Variants in IL19 observed in about 807,000 individuals in gnomAD.
IL19 encodes the protein interleukin 19.
IL19 carries 15 observed loss-of-function variants against 19.5 expected under a neutral mutation model. The observed-to-expected ratio is 0.77, with a 90% CI of 0.52 to 1.19. IL19 has a LOEUF of 1.19. Among genes scored for constraint, IL19 ranks in the 50% most tolerant of loss-of-function variants. The pLI is 0.00. For missense variants in IL19, 199 were observed against 213.1 expected, an observed-to-expected ratio of 0.93 and a Z score of 0.41; for synonymous variants, 78 against 78.3, an observed-to-expected ratio of 1.00 and a Z score of 0.02.
intron 1 of IL19, chr1:206,772,542 C>A (rs778659754): frequency 4.0e-5 from 41 of 1,024,882 alleles, no homozygotes; most frequent in African/African-American, 9.5e-5. Flanking sequence ...CTCAGGGAGG[C>A]CTCTTCATTC....
intron 2 of IL19, among the ~76,000 whole-genome samples, chr1:206,802,572 A>C (rs1675739414): frequency 6.6e-6 from 1 of 152,248 alleles, no homozygotes; most frequent in African/African-American, 2.4e-5. Context: ...TTTTGGTGAC[A>C]CAACCCAGAC....
intron 2 of IL19, among the ~76,000 whole-genome samples, chr1:206,824,670 C>T (rs1485821047): frequency 6.6e-6 from 1 of 152,184 alleles, no homozygotes; most frequent in Non-Finnish European, 1.5e-5. Context: ...ACCCCCATTT[C>T]TCCGGATGAG....
At chr1:206,801,971 G>T (rs953422882) in intron 2 of IL19, among the ~76,000 whole-genome samples, 1 of 152,214 alleles carries the variant, frequency 6.6e-6, no homozygotes, top group African/African-American at 2.4e-5. Flanking sequence ...TTGGGTGGAA[G>T]AAACAGTTTG....
Position 206,771,017 on chromosome 1 carries a change from A to G in IL19, c.-210A>G. 6.2e-7 allele frequency: 1 copy of G among 1,614,096 alleles called. No individual in the cohort carries two copies. Among genetic ancestry groups the G allele is most frequent in the Non-Finnish European group, 8.5e-7 (1 of 1,179,956 alleles). On this transcript the variant is annotated 5_prime_UTR_variant, in exon 1 of 7. It removes the in-frame stop codon of an upstream open reading frame in the 5' UTR. Transcript: ENST00000659997. The stretch of plus-strand genomic sequence containing the variant: ...GCTTGGGGCATCACCTCCTCCAGGT[A>G]AAACTGGATCATCTCAGACAAGGCT...
intron 1 of IL19, among the ~76,000 whole-genome samples, chr1:206,789,070 CCT>C (rs1558608239): frequency 2.6e-5 from 4 of 152,292 alleles, no homozygotes; most frequent in Admixed American, 6.5e-5. Flanking sequence ...GTGACCTTTT[CCT>C]TTTCCGCCTT....
intron 1 of IL19, among the ~76,000 whole-genome samples, chr1:206,775,207 AG>A (rs1273213460): frequency 6.6e-6 from 1 of 151,518 alleles, no homozygotes; most frequent in Non-Finnish European, 1.5e-5. Context: ...CGCCCGGCTA[AG>A]TTTTTTTATT....
intron 1 of IL19, among the ~76,000 whole-genome samples, chr1:206,780,690 C>A (rs1675109799): frequency 6.6e-6 from 1 of 152,210 alleles, no homozygotes; most frequent in Non-Finnish European, 1.5e-5. Context: ...GAGAAGAAGA[C>A]TTTCCCAGGT....
rs997704513 is a variant in IL19, at chr1:206,789,125, T to C, written c.-148-9736T>C. Among the ~76,000 whole-genome samples, 3 of 152,230 alleles carry C rather than the reference T, an allele frequency of 2.0e-5. No individual in the cohort carries two copies. In the East Asian group the frequency reaches 5.8e-4, roughly 29 times the overall value. On this transcript the variant is annotated intron_variant, in intron 1 of 6. Transcript: ENST00000659997. Reference sequence around the variant, plus strand: ...TTCAAGGAACAGCTGTAGGGTTAGATAGAGAGGACTGACTGGAAAGTGATT... The same window carrying C: ...TTCAAGGAACAGCTGTAGGGTTAGACAGAGAGGACTGACTGGAAAGTGATT...
At chr1:206,829,248 A>T (rs1676524642) in intron 2 of IL19, 1 of 152,210 alleles carries the variant, frequency 6.6e-6, no homozygotes, top group South Asian at 2.1e-4. Flanking sequence ...TTAACTTGGA[A>T]TTTCAGGTAG....
At chr1:206,819,228 A>C (rs1477323833) in intron 2 of IL19, among the ~76,000 whole-genome samples, 1 of 152,018 alleles carries the variant, frequency 6.6e-6, no homozygotes, top group Non-Finnish European at 1.5e-5. Context: ...CTTAACCCAC[A>C]CTGTTCAATA....
At chr1:206,834,685 G>T (rs1676724571) in intron 2 of IL19, among the ~76,000 whole-genome samples, 1 of 152,166 alleles carries the variant, frequency 6.6e-6, no homozygotes, top group African/African-American at 2.4e-5. Flanking sequence ...AACTGTGTTG[G>T]GCACTTTATA....
At chr1:206,787,074 T>C (rs1018671055) in intron 1 of IL19, among the ~76,000 whole-genome samples, 1 of 152,166 alleles carries the variant, frequency 6.6e-6, no homozygotes, top group Non-Finnish European at 1.5e-5. Flanking sequence ...TTCCCACAGG[T>C]TCTCTCCACA....
At chr1:206,786,818 G>A (rs1294475253) in intron 1 of IL19, among the ~76,000 whole-genome samples, 1 of 152,148 alleles carries the variant, frequency 6.6e-6, no homozygotes, top group Non-Finnish European at 1.5e-5. Context: ...TTATTCAGCT[G>A]TAGTTACTGC....
At chr1:206,777,633 G>A (rs1022806422) in intron 1 of IL19, among the ~76,000 whole-genome samples, 1 of 152,156 alleles carries the variant, frequency 6.6e-6, no homozygotes, top group Non-Finnish European at 1.5e-5. Context: ...TGGGCAACAC[G>A]GTCAGCCGGC....
intron 2 of IL19, 41 bp downstream of exon 2, chr1:206,799,047 T>C (rs1430964749): frequency 7.6e-7 from 1 of 1,321,730 alleles, no homozygotes; most frequent in Admixed American, 1.7e-5. Context: ...TGTGGAGCCA[T>C]TCTCTGGGAC....
intron 2 of IL19, among the ~76,000 whole-genome samples, chr1:206,836,034 C>A (rs1243264833): frequency 6.6e-6 from 1 of 152,218 alleles, no homozygotes; most frequent in African/African-American, 2.4e-5. Context: ...TGCCAAGCTG[C>A]CCTCTACCTT....
intron 2 of IL19, among the ~76,000 whole-genome samples, chr1:206,816,514 A>G (rs1676160873): frequency 6.6e-6 from 1 of 152,204 alleles, no homozygotes; most frequent in South Asian, 2.1e-4. Context: ...AGCCACTGCC[A>G]CTAATATAAT....
At chr1:206,826,464 T>C (rs755170790) in intron 2 of IL19, among the ~76,000 whole-genome samples, 6 of 152,186 alleles carry the variant, frequency 3.9e-5, no homozygotes, top group Non-Finnish European at 8.8e-5. Flanking sequence ...GGAAACAATG[T>C]GGATGCAAGA....
rs147597174 is a variant in IL19, at chr1:206,792,488, G to A, written c.-148-6373G>A. On this transcript the variant is annotated intron_variant, in intron 1 of 6. Coordinates refer to ENST00000659997, the MANE Select transcript of IL19 (RefSeq NM_153758.5). ...CTTTTTTTTTCTGAGATGGAGTCTT[G>A]CTCTGTCGCACATGCTGGGGTGGAA... Among the ~76,000 whole-genome samples, 1,192 of 151,832 alleles carry A rather than the reference G, an allele frequency of 7.9e-3. 111 individuals are homozygous for A. The South Asian group carries it at 0.19, about 25-fold the overall frequency.
Sources: allele counts gnomAD v4.1 joint callset (sites outside exome capture counted in the v4.1 genomes callset), GRCh38; gene constraint gnomAD v4.1.1; transcripts MANE v1.5; gene names NCBI Gene and HGNC (gene_info 2026-07-23, HGNC 2026-07-21).